Variants in CES1 observed in about 807,000 individuals in gnomAD.
CES1 encodes carboxylesterase 1.
In CES1, 50 loss-of-function variants were observed where a neutral mutation model predicts 53.0. That is an observed-to-expected ratio of 0.94 (90% CI 0.75 to 1.19). CES1 has a LOEUF of 1.19. CES1 is among the 50% of genes most tolerant of loss of function. The pLI, the probability that CES1 is intolerant of heterozygous loss-of-function variation, is 0.00. For missense variants in CES1, 534 were observed against 538.0 expected (o/e 0.99, Z 0.07); for synonymous variants, 202 against 210.1 (o/e 0.96, Z 0.33).
intron 4 of CES1, among the ~76,000 whole-genome samples, chr16:55,822,893 C>T (rs1238267235): frequency 1.3e-5 from 2 of 152,120 alleles, no homozygotes; most frequent in African/African-American, 4.8e-5. Flanking sequence ...AGAAACCTGA[C>T]TGGCATGGAT....
intron 2 of CES1, among the ~76,000 whole-genome samples, chr16:55,828,326 C>A (rs1318461484): frequency 3.9e-5 from 6 of 152,236 alleles, no homozygotes; most frequent in African/African-American, 1.4e-4. Context: ...TCCTGGCCCA[C>A]TCCTCTCCCC....
chr16:55,829,401 G>C (rs2032552765), intron 1 of CES1, among the ~76,000 whole-genome samples: 1 of 152,252 alleles, frequency 6.6e-6, no homozygotes. Context: ...GCTACAGCTG[G>C]GAAGGAAGTG....
intron 10 of CES1, 48 bp from the exon 11 acceptor site, chr16:55,810,712 C>G (rs1430067099): frequency 2.5e-6 from 4 of 1,603,840 alleles, no homozygotes; most frequent in Admixed American, 1.7e-5. Flanking sequence ...AGCGATGCAG[C>G]TTCTCCAGCC....
intron 8 of CES1, among the ~76,000 whole-genome samples, chr16:55,816,415 G>C (rs374131369): frequency 6.6e-6 from 1 of 152,236 alleles, no homozygotes; most frequent in Non-Finnish European, 1.5e-5. Context: ...TGTAAGATTC[G>C]TCAGAGGTGA....
At chr16:55,810,750 A>G in intron 10 of CES1, 86 bp from the exon 11 acceptor site, 1 of 1,535,244 alleles carries the variant, frequency 6.5e-7, no homozygotes, top group Admixed American at 1.7e-5. Context: ...TCAATGGTGA[A>G]CCCCATAAGC....
chr16:55,826,102 G>C, intron 3 of CES1, 49 bp downstream of exon 3: 3 of 1,612,276 alleles, frequency 1.9e-6, no homozygotes, highest in Non-Finnish European at 8.5e-7. Flanking sequence ...CCCAGAAGAT[G>C]CGGGGTACTG....
chr16:55,830,301 A>G (rs8192931), intron 1 of CES1, among the ~76,000 whole-genome samples: 1 of 151,878 alleles, frequency 6.6e-6, no homozygotes. Flanking sequence ...AATAATACTG[A>G]GATGAACTTC....
At chr16:55,826,826 T>C (rs557409033) in intron 2 of CES1, among the ~76,000 whole-genome samples, 1 of 152,318 alleles carries the variant, frequency 6.6e-6, no homozygotes, top group East Asian at 1.9e-4. Context: ...TGCTGTTGTG[T>C]TGCCCTGATG....
At chr16:55,808,536 A>T (rs1331182448) in intron 11 of CES1, among the ~76,000 whole-genome samples, 8 of 152,208 alleles carry the variant, frequency 5.3e-5, no homozygotes, top group East Asian at 3.8e-4. Context: ...AGAAATCCAC[A>T]TTCTTATGCA....
At chr16:55,821,898 AG>A (rs2032215854) in intron 4 of CES1, among the ~76,000 whole-genome samples, 1 of 152,206 alleles carries the variant, frequency 6.6e-6, no homozygotes, top group African/African-American at 2.4e-5. Context: ...CAATGGAGTA[AG>A]GAAAAAAACA....
chr16:55,809,529 C>T (rs1169578008), intron 11 of CES1, among the ~76,000 whole-genome samples: 3 of 152,244 alleles, frequency 2.0e-5, no homozygotes, highest in African/African-American at 7.2e-5. Flanking sequence ...AGACACTCCT[C>T]TCTAGGTGAG....
At chr16:55,830,819 A>AAGGAAGGAAGGAAGGAAGGAAGGCAGGC (rs1454708070) in intron 1 of CES1, among the ~76,000 whole-genome samples, 180 of 127,158 alleles carry the variant, frequency 1.4e-3, no homozygotes, top group African/African-American at 5.2e-3. Context: ...GGAAGGAAGG[A>AAGGAAGGAAGGAAGGAAGGAAGGCAGGC]AGGCAGGCAG....
Position 55,833,076 on chromosome 16 carries a change from C to T in CES1, c.-21G>A, listed in dbSNP as rs12149322. Reference sequence around the variant, plus strand: ...CACATCGTGGAAGGGCGACAGTTCTCGGGGCCTGCGAGGTCTCTGTGCAGT... The same window carrying T: ...CACATCGTGGAAGGGCGACAGTTCTTGGGGCCTGCGAGGTCTCTGTGCAGT... On this transcript the variant is annotated 5_prime_UTR_variant, in exon 1 of 14. Transcript: ENST00000360526. 5 of 1,516,654 alleles carry T rather than the reference C, an allele frequency of 3.3e-6. 1 individual carries two copies. The highest frequency in any genetic ancestry group is 2.5e-5 in the East Asian group (1 of 39,878). 93.9% of individuals were successfully genotyped at this position (1,516,654 alleles called of 1,614,324 possible). A position where few individuals can be genotyped will look rare whatever the true frequency, so the allele number is the denominator to read the frequency against.
At chr16:55,830,819 A>AAGGG (rs1454708070) in intron 1 of CES1, among the ~76,000 whole-genome samples, 1 of 127,286 alleles carries the variant, frequency 7.9e-6, no homozygotes, top group African/African-American at 3.5e-5. Context: ...GGAAGGAAGG[A>AAGGG]AGGCAGGCAG....
intron 8 of CES1, 84 bp downstream of exon 8, chr16:55,816,840 G>C (rs111387345): frequency 6.9e-7 from 1 of 1,459,404 alleles, no homozygotes; most frequent in Non-Finnish European, 9.6e-7. Context: ...AATTACCCAA[G>C]AGATGATTCT....
rs150451742 is a variant in CES1, at chr16:55,824,042, A to G, written c.406-359T>C. 1.9e-4 allele frequency among the ~76,000 whole-genome samples: 29 copies of G among 152,334 alleles called. No homozygotes were observed. The East Asian group carries it at 3.5e-3, about 18-fold the overall frequency. On this transcript the variant is annotated intron_variant, in intron 3 of 13. Coordinates refer to ENST00000360526, the MANE Select transcript of CES1 (RefSeq NM_001025195.2). The stretch of plus-strand genomic sequence containing the variant: ...ACCCTCAAGCCTAGACTATTCATGC[A>G]CTCAGCGTACCCATGGGGCAGCCCT...
At chr16:55,831,024 A>G (rs1259864068) in intron 1 of CES1, among the ~76,000 whole-genome samples, 1 of 152,190 alleles carries the variant, frequency 6.6e-6, no homozygotes, top group Non-Finnish European at 1.5e-5. Flanking sequence ...AGATGATGCC[A>G]CAGGATGAGC....
At chr16:55,819,944 G>C in intron 6 of CES1, 1 of 559,216 alleles carries the variant, frequency 1.8e-6, no homozygotes, top group Non-Finnish European at 3.2e-6. Flanking sequence ...AGAGAGCATG[G>C]AATCCTGAAT....
At chr16:55,812,057 A>G (rs1227142989) in intron 9 of CES1, among the ~76,000 whole-genome samples, 1 of 152,068 alleles carries the variant, frequency 6.6e-6, no homozygotes, top group East Asian at 1.9e-4. Context: ...TGGCCTATGA[A>G]ACGTCATCAG....
Sources: allele counts gnomAD v4.1 joint callset (sites outside exome capture counted in the v4.1 genomes callset), GRCh38; gene constraint gnomAD v4.1.1; transcripts MANE v1.5; gene names NCBI Gene and HGNC (gene_info 2026-07-23, HGNC 2026-07-21).